Variants in NUDT12 observed in about 807,000 individuals in gnomAD.
The protein encoded by NUDT12 is NAD-capped RNA hydrolase NUDT12.
NUDT12 carries 42 observed loss-of-function variants against 45.7 expected under a neutral mutation model. The observed-to-expected ratio is 0.92, with a 90% confidence interval of 0.72 to 1.19. The LOEUF is 1.19. Ranked by LOEUF, NUDT12 falls within the 50% of genes most tolerant of loss-of-function variation. The pLI is 0.00. For missense variants in NUDT12, 590 were observed against 533.1 expected, an observed-to-expected ratio of 1.11 and a Z score of -1.05; for synonymous variants, 206 against 179.7, an observed-to-expected ratio of 1.15 and a Z score of -1.17.
At chr5:103,553,295 A>C (rs2112446961) in intron 5 of NUDT12, among the ~76,000 whole-genome samples, 2 of 152,268 alleles carry the variant, frequency 1.3e-5, no homozygotes, top group African/African-American at 4.8e-5. Flanking sequence ...AAATGAATAA[A>C]AAAGGATAAA....
At chr5:103,558,782 T>C (rs1344438259) in intron 3 of NUDT12, 97 bp downstream of exon 3, 2 of 769,898 alleles carry the variant, frequency 2.6e-6, no homozygotes. Context: ...CACTGCTTAC[T>C]GGAAAAAGAG....
chr5:103,556,370 T>C (rs891804171), intron 3 of NUDT12, among the ~76,000 whole-genome samples: 7 of 152,100 alleles, frequency 4.6e-5, no homozygotes, highest in Non-Finnish European at 1.5e-5. Flanking sequence ...AGGCTTTTAC[T>C]GTAGGTGATT....
chr5:103,560,418 C>A (rs907046767), intron 1 of NUDT12, among the ~76,000 whole-genome samples, 164 bp from the exon 2 acceptor site: 2 of 152,156 alleles, frequency 1.3e-5, no homozygotes, highest in South Asian at 4.2e-4. Context: ...AAAATGTTAT[C>A]AGTTTAGAAT....
intron 1 of NUDT12, among the ~76,000 whole-genome samples, chr5:103,560,591 T>TG (rs11396593): frequency 1 from 152,141 of 152,144 alleles, 76,069 homozygotes; most frequent in African/African-American, 1. Flanking sequence ...GACTTCACGA[T>TG]GGGTGGGGAC....
At position 103,558,987 on chromosome 5, in the gene NUDT12, G is replaced by C. The variant is rs1390244385; in HGVS notation, c.688C>G (p.Leu230Val). 1.2e-6 allele frequency: 2 copies of C among 1,613,748 alleles called. No individual in the cohort carries two copies. The highest frequency in any genetic ancestry group is 1.1e-5 in the South Asian group (1 of 91,032). ...TCAGCAGCAATAGGATCTATACCTA[G>C]AGCAAACCAGGCAACCAATCCATCT... ...EEDGLVAWFALGIDPIAAEEF... is the reference protein window; with the variant it reads ...EEDGLVAWFAVGIDPIAAEEF... Residue 230 changes from leucine to valine, a missense_variant, in exon 3 of 7, where the codon CTA (leucine) becomes GTA (valine). Transcript: ENST00000230792.
chr5:103,561,884 A>AT (rs902692786), intron 1 of NUDT12, among the ~76,000 whole-genome samples: 1 of 152,236 alleles, frequency 6.6e-6, no homozygotes, highest in African/African-American at 2.4e-5. Flanking sequence ...ATGCTTATGC[A>AT]TATGCTATTC....
chr5:103,558,759 G>T, intron 3 of NUDT12, 120 bp downstream of exon 3: 1 of 654,104 alleles, frequency 1.5e-6, no homozygotes, highest in Non-Finnish European at 2.6e-6. Context: ...TTCTGATGAA[G>T]ACAGTCTAAT....
rs567132987 is a variant in NUDT12 at position 103,559,862 on chromosome 5, A to G, written c.206+181T>C. 363 of 564,142 alleles carry G rather than the reference A, an allele frequency of 6.4e-4. 3 individuals carry two copies. Among genetic ancestry groups the G allele is most frequent in the South Asian group, 3.6e-3 (139 of 38,692 alleles). The allele number at this position is 564,142 out of a possible 1,614,324, so 34.9% of individuals were successfully genotyped here. A position where few individuals can be genotyped will look rare whatever the true frequency, so the allele number is the denominator to read the frequency against. ...TTTGCTATAAAGAAATAATTTCTCA[A>G]TGAAAAAGGTTACAAAGTTTTAAGT... On this transcript the variant is annotated intron_variant, in intron 2 of 6. Transcript: ENST00000230792.
At chr5:103,559,513 G>GTGTTTACTTCC in intron 2 of NUDT12, 45 bp from the exon 3 acceptor site, 2 of 963,562 alleles carry the variant, frequency 2.1e-6, no homozygotes, top group Non-Finnish European at 2.9e-6. Flanking sequence ...AAAATAGGAA[G>GTGTTTACTTCC]TAAACACTTT....
At chr5:103,562,430 G>T (rs1365753088) in intron 1 of NUDT12, among the ~76,000 whole-genome samples, 1 of 152,126 alleles carries the variant, frequency 6.6e-6, no homozygotes, top group Non-Finnish European at 1.5e-5. Flanking sequence ...CTTTCGAGGT[G>T]AAATCACACC....
intron 3 of NUDT12, among the ~76,000 whole-genome samples, chr5:103,556,617 A>G (rs868622324): frequency 3.9e-5 from 6 of 152,258 alleles, no homozygotes; most frequent in African/African-American, 1.2e-4. Flanking sequence ...GCATGTACAC[A>G]GTATAAAACA....
Position 103,549,915 on chromosome 5 carries a change from CA to C in NUDT12, c.*945del, listed in dbSNP as rs906556066. ...AGGTCAAAGCCAAGATATATTTGAG[CA>C]TAATAAATAGTATTGGTAATGATTA... On this transcript the variant is annotated 3_prime_UTR_variant, in exon 7 of 7. Coordinates refer to ENST00000230792, the MANE Select transcript of NUDT12 (RefSeq NM_031438.4). 3 of 152,082 alleles carry C rather than the reference CA, an allele frequency of 2.0e-5. No individual in the cohort carries two copies. The highest frequency in any genetic ancestry group is 1.3e-4 in the Admixed American group (2 of 15,240). The allele number at this position is 152,082 out of a possible 1,614,324, so 9.4% of individuals were successfully genotyped here.
intron 2 of NUDT12, 181 bp from the exon 3 acceptor site, chr5:103,559,649 A>G: frequency 2.2e-6 from 1 of 452,374 alleles, no homozygotes; most frequent in Non-Finnish European, 3.8e-6. Context: ...ACAATCATAA[A>G]TGACAAAAAG....
Position 103,555,940 on chromosome 5 carries a change from G to T in NUDT12, c.955C>A (p.Pro319Thr). 1 of 1,576,812 alleles carries T rather than the reference G, an allele frequency of 6.3e-7. No individual in the cohort carries two copies. Among genetic ancestry groups the T allele is most frequent in the Middle Eastern group, 1.7e-4 (1 of 5,926 alleles). The change falls in exon 4 of 7, where the codon CCA (proline) becomes ACA (threonine). Residue 319 changes from proline to threonine, a missense_variant. Transcript: ENST00000230792. Reference sequence around the variant, plus strand: ...AAAATAAAGGGCTTACCAACTCTTGGGTATGAGGTATTATGGACGCCATTG... The same window carrying T: ...AAAATAAAGGGCTTACCAACTCTTGTGTATGAGGTATTATGGACGCCATTG... The part of the protein sequence containing the change: ...SLNGVHNTSY[P>T]RVDPVVIMQV...
intron 3 of NUDT12, among the ~76,000 whole-genome samples, chr5:103,557,246 T>C (rs1216368836): frequency 2.1e-5 from 3 of 145,156 alleles, no homozygotes; most frequent in Admixed American, 6.9e-5. Flanking sequence ...AGCAAGCAAC[T>C]AGCTCATTTA....
intron 1 of NUDT12, 111 bp from the exon 2 acceptor site, chr5:103,560,365 A>G (rs971481808): frequency 7.5e-6 from 5 of 667,668 alleles, no homozygotes; most frequent in Non-Finnish European, 1.1e-5. Context: ...AAGGCAACAT[A>G]CTATTCAACA....
intron 1 of NUDT12, 22 bp from the exon 2 acceptor site, chr5:103,560,276 G>T: frequency 6.6e-7 from 1 of 1,513,372 alleles, no homozygotes; most frequent in Non-Finnish European, 9.2e-7. Flanking sequence ...GAAAATCAGG[G>T]GAAAAAGCTT....
intron 3 of NUDT12, among the ~76,000 whole-genome samples, 192 bp from the exon 4 acceptor site, chr5:103,556,290 TG>T (rs143398928): frequency 0.12 from 17,759 of 151,844 alleles, 1,322 homozygotes; most frequent in Middle Eastern, 0.24. Context: ...TAGATTTTTT[TG>T]TTTGAATAAA....
chr5:103,560,659 C>T (rs1749004705), intron 1 of NUDT12, among the ~76,000 whole-genome samples: 1 of 152,144 alleles, frequency 6.6e-6, no homozygotes, highest in South Asian at 2.1e-4. Context: ...ATAAGTTTCA[C>T]AGGAAAACAG....
Sources: allele counts gnomAD v4.1 joint callset (sites outside exome capture counted in the v4.1 genomes callset), GRCh38; gene constraint gnomAD v4.1.1; transcripts MANE v1.5; gene names NCBI Gene and HGNC (gene_info 2026-07-23, HGNC 2026-07-21).